The following PLEKHA7 variants were observed in gnomAD, a reference collection of about 807,000 sequenced individuals.
The protein encoded by PLEKHA7 is pleckstrin homology domain-containing family A member 7.
PLEKHA7 carries 104 observed loss-of-function variants against 170.0 expected under a neutral mutation model. The ratio of observed to expected loss-of-function variants is 0.61; its 90% CI spans 0.52 to 0.72. PLEKHA7 has a LOEUF of 0.72. Among genes scored for constraint, PLEKHA7 ranks in the 30% least tolerant of loss-of-function variants. The pLI, the probability that PLEKHA7 is intolerant of heterozygous loss-of-function variation, is 0.00. For missense variants in PLEKHA7, 1,615 were observed against 1,671.7 expected (o/e 0.97, Z 0.59); for synonymous variants, 648 against 660.8 (o/e 0.98, Z 0.30).
chr11:16,906,012 G>A (rs1012791808), intron 3 of PLEKHA7, among the ~76,000 whole-genome samples: 40 of 152,196 alleles, frequency 2.6e-4, no homozygotes, highest in African/African-American at 9.2e-4. Flanking sequence ...TCAGGCTCTC[G>A]GCACTGCTGA....
intron 3 of PLEKHA7, among the ~76,000 whole-genome samples, chr11:16,962,843 A>T (rs1359840394): frequency 6.6e-6 from 1 of 152,192 alleles, no homozygotes; most frequent in Non-Finnish European, 1.5e-5. Flanking sequence ...CATCTCCCAG[A>T]AGCAACAACA....
At chr11:17,009,359 C>A (rs947258196) in intron 3 of PLEKHA7, among the ~76,000 whole-genome samples, 2 of 152,130 alleles carry the variant, frequency 1.3e-5, no homozygotes, top group African/African-American at 4.8e-5. Flanking sequence ...ATAGGAATGT[C>A]CAGGATTACG....
chr11:16,885,849 T>G (rs968592184), intron 3 of PLEKHA7, among the ~76,000 whole-genome samples: 1 of 149,696 alleles, frequency 6.7e-6, no homozygotes, highest in East Asian at 2.0e-4. Context: ...CAAAAAAAAT[T>G]AGCCAGGTGT....
chr11:16,914,810 C>A (rs1858516058), intron 3 of PLEKHA7, among the ~76,000 whole-genome samples: 1 of 152,298 alleles, frequency 6.6e-6, no homozygotes, highest in East Asian at 1.9e-4. Flanking sequence ...TTACGGAACT[C>A]CAGCCAACTT....
chr11:16,897,417 G>C (rs1320682867), intron 3 of PLEKHA7, among the ~76,000 whole-genome samples: 1 of 152,066 alleles, frequency 6.6e-6, no homozygotes, highest in African/African-American at 2.4e-5. Context: ...ATATAGTGCA[G>C]AAACCCCAAA....
chr11:16,846,215 G>A (rs1185368281), intron 8 of PLEKHA7, among the ~76,000 whole-genome samples: 1 of 152,154 alleles, frequency 6.6e-6, no homozygotes, highest in Non-Finnish European at 1.5e-5. Flanking sequence ...AACCTGGGAG[G>A]CAGAGGTTGC....
intron 9 of PLEKHA7, among the ~76,000 whole-genome samples, chr11:16,835,039 G>A (rs1370309827): frequency 5.9e-5 from 9 of 152,238 alleles, no homozygotes; most frequent in Admixed American, 5.9e-4. Context: ...GGAGGCTGAG[G>A]TAGGTGGATC....
At chr11:16,953,701 C>T (rs1861536533) in intron 3 of PLEKHA7, among the ~76,000 whole-genome samples, 1 of 152,168 alleles carries the variant, frequency 6.6e-6, no homozygotes, top group African/African-American at 2.4e-5. Flanking sequence ...AAGGGCACCA[C>T]TTTCACTGCC....
chr11:16,857,257 A>G (rs1365038719), intron 4 of PLEKHA7, among the ~76,000 whole-genome samples: 1 of 152,244 alleles, frequency 6.6e-6, no homozygotes, highest in Non-Finnish European at 1.5e-5. Context: ...GGACCACTGT[A>G]GTAGGCACCA....
At chr11:16,846,878 A>G (rs996570650) in intron 8 of PLEKHA7, among the ~76,000 whole-genome samples, 1 of 152,138 alleles carries the variant, frequency 6.6e-6, no homozygotes, top group Non-Finnish European at 1.5e-5. Context: ...ACTAGCTGAT[A>G]AATCAGTTTT....
chr11:16,855,772 G>C (rs758497155), intron 5 of PLEKHA7, 31 bp downstream of exon 5: 3 of 1,492,922 alleles, frequency 2.0e-6, no homozygotes, highest in South Asian at 1.2e-5. Context: ...ATAAAAGAAG[G>C]GAAGGAAGGA....
intron 3 of PLEKHA7, among the ~76,000 whole-genome samples, chr11:16,934,851 A>G (rs1205600444): frequency 6.6e-6 from 1 of 152,230 alleles, no homozygotes; most frequent in Non-Finnish European, 1.5e-5. Context: ...CCTAATTAAT[A>G]TGTAAAATAC....
intron 4 of PLEKHA7, among the ~76,000 whole-genome samples, chr11:16,857,750 G>A (rs891638486): frequency 3.9e-5 from 6 of 152,202 alleles, no homozygotes; most frequent in African/African-American, 1.2e-4. Flanking sequence ...ATGGAGTTTC[G>A]CTCTGTCGCC....
intron 4 of PLEKHA7, among the ~76,000 whole-genome samples, chr11:16,857,977 C>T (rs1471092908): frequency 6.6e-6 from 1 of 152,226 alleles, no homozygotes; most frequent in African/African-American, 2.4e-5. Context: ...CCTCGGCCTC[C>T]CAAAGAGCTG....
chr11:16,800,218 G>C (rs927131742), intron 17 of PLEKHA7, among the ~76,000 whole-genome samples: 1 of 152,184 alleles, frequency 6.6e-6, no homozygotes, highest in Admixed American at 6.5e-5. Flanking sequence ...AAAAAAACAG[G>C]TTATTTTCCA....
At chr11:16,855,701 C>G (rs1173657503) in intron 5 of PLEKHA7, 102 bp downstream of exon 5, 10 of 875,128 alleles carry the variant, frequency 1.1e-5, no homozygotes, top group Non-Finnish European at 1.7e-5. Context: ...TTATGGGTCT[C>G]TCTCACAAAA....
chr11:16,998,196 CAAAT>C (rs1187950770), intron 3 of PLEKHA7, among the ~76,000 whole-genome samples: 2 of 152,304 alleles, frequency 1.3e-5, no homozygotes, highest in Non-Finnish European at 1.5e-5. Flanking sequence ...GTAAAATAAA[CAAAT>C]AAGTAGAAGC....
intron 3 of PLEKHA7, among the ~76,000 whole-genome samples, chr11:16,954,412 T>C (rs747173723): frequency 6.6e-4 from 101 of 152,074 alleles, no homozygotes; most frequent in Non-Finnish European, 1.2e-3. Context: ...TGCACACCTA[T>C]AGTCTCAGTT....
At chr11:16,819,754 C>T (rs549827281) in intron 10 of PLEKHA7, among the ~76,000 whole-genome samples, 3 of 152,218 alleles carry the variant, frequency 2.0e-5, no homozygotes, top group South Asian at 2.1e-4. Flanking sequence ...AGGTCAAACT[C>T]ATAGAAGAAC....
Sources: gnomAD v4.1 joint callset for allele counts (sites outside exome capture counted in the v4.1 genomes callset) on GRCh38, gnomAD v4.1.1 for gene constraint, MANE v1.5 for transcripts, NCBI Gene and HGNC (gene_info 2026-07-23, HGNC 2026-07-21) for gene names.